Variants in RAB37 observed in about 807,000 individuals in gnomAD.
The protein encoded by RAB37 is RAB37, member RAS oncogene family.
RAB37 carries 29 observed loss-of-function variants against 33.1 expected under a neutral mutation model. The ratio of observed to expected loss-of-function variants is 0.88; its 90% CI spans 0.65 to 1.20. RAB37 has a LOEUF of 1.20. Ranked by LOEUF, RAB37 falls within the 50% of genes most tolerant of loss-of-function variation. RAB37 has a pLI of 0.00. For synonymous variants in RAB37, 128 were observed against 119.5 expected (o/e 1.07, Z -0.47); for missense variants, 299 against 301.1 (o/e 0.99, Z 0.05).
At chr17:74,723,979 C>A (rs927360808) in intron 1 of RAB37, among the ~76,000 whole-genome samples, 4 of 152,132 alleles carry the variant, frequency 2.6e-5, no homozygotes, top group Non-Finnish European at 5.9e-5. Context: ...AACTGGGAAC[C>A]AACTTGGAGA....
chr17:74,701,139 T>C (rs9912943), intron 1 of RAB37, among the ~76,000 whole-genome samples: 3,266 of 152,364 alleles, frequency 0.021, 60 homozygotes, highest in Middle Eastern at 0.041. Flanking sequence ...TTCTGAGGTA[T>C]TTTGTTAGGG....
chr17:74,741,415 G>A (rs540436909), intron 2 of RAB37, among the ~76,000 whole-genome samples: 23 of 152,114 alleles, frequency 1.5e-4, no homozygotes, highest in African/African-American at 4.8e-4. Flanking sequence ...GTGAAACCCC[G>A]TCTCTACTAA....
upstream of RAB37, chr17:74,736,895 G>T: frequency 6.7e-7 from 1 of 1,489,652 alleles, no homozygotes; most frequent in Non-Finnish European, 8.9e-7. Context: ...CTCGGGCGCC[G>T]CCTGCTGTCG....
At chr17:74,740,216 A>C (rs2034579471) in intron 1 of RAB37, among the ~76,000 whole-genome samples, 1 of 152,108 alleles carries the variant, frequency 6.6e-6, no homozygotes. Context: ...GACACAAAAA[A>C]AAAAACCCAA....
At chr17:74,703,795 C>G (rs1374609940) in intron 1 of RAB37, among the ~76,000 whole-genome samples, 1 of 152,222 alleles carries the variant, frequency 6.6e-6, no homozygotes, top group Non-Finnish European at 1.5e-5. Flanking sequence ...TTCTGAGGGA[C>G]AGCAGAACAA....
Position 74,740,827 on chromosome 17 carries a change from CG to C in RAB37, c.157del (p.Ala53ProfsTer8). The C allele has an allele frequency of 6.2e-7, 1 of 1,614,124 alleles. No homozygotes were observed. On this transcript the variant is annotated frameshift_variant, in exon 2 of 9. Transcript: ENST00000392613. LOFTEE classifies it high-confidence loss of function. ...CATGTTTCCTGATCCAATTCAAAGA[CG>C]GGGCCTTCCTGTCCGGAACCTTCAT... is the stretch of plus-strand genomic sequence containing the variant. ...KTCFLIQFKD[G>X]AFLSGTFIAT... is the part of the protein sequence containing the mutation.
intron 1 of RAB37, chr17:74,696,007 G>A (rs1010596251): frequency 1.6e-6 from 2 of 1,262,220 alleles, no homozygotes; most frequent in African/African-American, 3.0e-5. Flanking sequence ...TCAGGCTCCT[G>A]TACCCCTCAG....
At chr17:74,710,786 G>GA (rs1479471022) in intron 1 of RAB37, among the ~76,000 whole-genome samples, 2 of 151,826 alleles carry the variant, frequency 1.3e-5, no homozygotes, top group Non-Finnish European at 2.9e-5. Flanking sequence ...AGAATCACTT[G>GA]AATCTGGGAG....
intron 1 of RAB37, among the ~76,000 whole-genome samples, chr17:74,711,461 G>A (rs2033956479): frequency 6.6e-6 from 1 of 152,136 alleles, no homozygotes; most frequent in Admixed American, 6.5e-5. Context: ...TGAAACTCGG[G>A]GCCAAGTGTC....
At chr17:74,726,382 T>C (rs186331616) in intron 1 of RAB37, among the ~76,000 whole-genome samples, 68 of 151,836 alleles carry the variant, frequency 4.5e-4, no homozygotes, top group Admixed American at 2.4e-3. Flanking sequence ...GACAGGACTG[T>C]TTCCTATGAT....
At chr17:74,716,635 C>A (rs1442945748) in intron 1 of RAB37, among the ~76,000 whole-genome samples, 1 of 152,108 alleles carries the variant, frequency 6.6e-6, no homozygotes, top group African/African-American at 2.4e-5. Context: ...TAGTAAGTGG[C>A]AGAGCCAAGA....
At position 74,744,995 on chromosome 17, in the gene RAB37, C is replaced by T. The variant is rs374529847; in HGVS notation, c.490-13C>T. On this transcript the variant is annotated splice_polypyrimidine_tract_variant and intron_variant, in intron 7 of 8. Transcript: ENST00000392613. This position sits in a 1 kb window ranked among gnomAD's most constrained non-coding sequence, Gnocchi z 4.2. ...ACCCGACGCTGGCCCTGAGGACACT[C>T]TCTCCCGGGCAGGAGTACGGTGTTC... is the stretch of plus-strand genomic sequence containing the variant. 1.9e-6 allele frequency: 3 copies of T among 1,614,098 alleles called. No individual in the cohort carries two copies. The highest frequency in any genetic ancestry group is 2.5e-6 in the Non-Finnish European group (3 of 1,180,032).
intron 1 of RAB37, among the ~76,000 whole-genome samples, chr17:74,681,441 G>A (rs2031953273): frequency 6.6e-6 from 1 of 152,216 alleles, no homozygotes; most frequent in Non-Finnish European, 1.5e-5. Flanking sequence ...AGTGCCCAGT[G>A]CAAAGACCCC....
intron 1 of RAB37, among the ~76,000 whole-genome samples, chr17:74,687,334 C>T (rs1236705481): frequency 1.3e-5 from 2 of 152,072 alleles, no homozygotes; most frequent in Non-Finnish European, 2.9e-5. Flanking sequence ...AGCAATTCTC[C>T]TTTCTCGGCC....
intron 1 of RAB37, among the ~76,000 whole-genome samples, chr17:74,711,490 C>T (rs1163149600): frequency 6.6e-6 from 1 of 152,236 alleles, no homozygotes; most frequent in Non-Finnish European, 1.5e-5. Flanking sequence ...ACTCCCTGCT[C>T]TTCCTGTACC....
intron 2 of RAB37, among the ~76,000 whole-genome samples, chr17:74,741,492 A>G (rs1324077260): frequency 2.0e-5 from 3 of 151,576 alleles, no homozygotes; most frequent in African/African-American, 4.8e-5. Flanking sequence ...AGGCTGAGGC[A>G]GGAGAATCGC....
chr17:74,678,381 A>T (rs796415316), intron 1 of RAB37, among the ~76,000 whole-genome samples: 9 of 152,240 alleles, frequency 5.9e-5, no homozygotes, highest in African/African-American at 2.2e-4. Context: ...GGTGCAGTGA[A>T]AATAACTTGA....
Position 74,729,317 on chromosome 17 carries a change from G to C in RAB37, c.134G>C (p.Gly45Ala), listed in dbSNP as rs1275430418. The change falls in exon 2 of 8, where the codon GGC (glycine) becomes GCC (alanine). Residue 45 changes from glycine to alanine, a missense_variant. Coordinates refer to the RAB37 transcript ENST00000340415. The surrounding 1 kb of genome is among the most constrained non-coding windows in gnomAD (Gnocchi z 4.2). ...TCTCTGCTGGTTCAGTTCGATCAGG[G>C]CAAGTTCATCCCCGGCTCCTTCTCG... The C allele has an allele frequency of 5.6e-6, 9 of 1,614,002 alleles. No individual in the cohort carries two copies. Among genetic ancestry groups the C allele is most frequent in the Admixed American group, 1.7e-5 (1 of 59,986 alleles).
At chr17:74,728,534 G>A (rs2034336787) in intron 1 of RAB37, among the ~76,000 whole-genome samples, 1 of 151,744 alleles carries the variant, frequency 6.6e-6, no homozygotes, top group South Asian at 2.1e-4. Flanking sequence ...CTCTGTGTGT[G>A]CATGTGTTTG....
Sources: gnomAD v4.1 joint callset for allele counts (sites outside exome capture counted in the v4.1 genomes callset) on GRCh38, gnomAD v4.1.1 for gene constraint, Gnocchi (gnomAD v3.1) non-coding constraint, MANE v1.5 for transcripts, NCBI Gene and HGNC (gene_info 2026-07-23, HGNC 2026-07-21) for gene names.